The following TRIO variants were observed in gnomAD, a reference collection of about 807,000 sequenced individuals.
The protein encoded by TRIO is triple functional domain protein.
Under a neutral mutation model 351.9 loss-of-function variants are expected in TRIO, and 58 were observed. The ratio of observed to expected loss-of-function variants is 0.16; its 90% confidence interval spans 0.13 to 0.21. The LOEUF is 0.21. Among genes scored for constraint, TRIO ranks in the 10% least tolerant of loss-of-function variants. TRIO has a pLI of 1.00. For synonymous variants in TRIO, 1,758 were observed against 1,595.7 expected, an observed-to-expected ratio of 1.10 and a Z score of -2.42; for missense variants, 3,201 against 4,027.8, an observed-to-expected ratio of 0.79 and a Z score of 5.56.
intron 1 of TRIO, among the ~76,000 whole-genome samples, chr5:14,208,098 A>G (rs1204240388): frequency 6.6e-6 from 1 of 152,242 alleles, no homozygotes; most frequent in Non-Finnish European, 1.5e-5. Flanking sequence ...AACAGTTTGC[A>G]GTTTCTTAAA....
At chr5:14,240,946 C>T (rs1293152594) in intron 1 of TRIO, among the ~76,000 whole-genome samples, 2 of 151,838 alleles carry the variant, frequency 1.3e-5, no homozygotes, top group Admixed American at 6.6e-5. Flanking sequence ...TCTTTTGAAT[C>T]GTGAAATAAG....
chr5:14,256,769 T>G (rs1316531670), intron 1 of TRIO, among the ~76,000 whole-genome samples: 1 of 152,142 alleles, frequency 6.6e-6, no homozygotes, highest in African/African-American at 2.4e-5. Flanking sequence ...TGTTTGGAGG[T>G]TTTGAAGGTG....
At chr5:14,282,588 G>T (rs1231714158) in intron 3 of TRIO, among the ~76,000 whole-genome samples, 2 of 151,028 alleles carry the variant, frequency 1.3e-5, no homozygotes, top group Admixed American at 1.3e-4. Flanking sequence ...TTTTTTTTGT[G>T]GGAAATTGTG....
intron 10 of TRIO, among the ~76,000 whole-genome samples, chr5:14,336,291 C>G (rs1741410082): frequency 1.3e-5 from 2 of 152,130 alleles, no homozygotes; most frequent in Non-Finnish European, 2.9e-5. Flanking sequence ...GCAGATAGTC[C>G]ATCACTACCT....
chr5:14,247,786 G>T (rs1227124374), intron 1 of TRIO, among the ~76,000 whole-genome samples: 2 of 152,168 alleles, frequency 1.3e-5, no homozygotes, highest in East Asian at 3.8e-4. Flanking sequence ...TAGACCACTA[G>T]GCAGGGCACG....
intron 11 of TRIO, among the ~76,000 whole-genome samples, chr5:14,354,242 C>T (rs1210826226): frequency 6.6e-6 from 1 of 152,260 alleles, no homozygotes; most frequent in Non-Finnish European, 1.5e-5. Context: ...TGTGGATTCT[C>T]TTCTGCTGTC....
chr5:14,401,416 A>G (rs1748056839), intron 31 of TRIO, among the ~76,000 whole-genome samples: 2 of 152,216 alleles, frequency 1.3e-5, no homozygotes, highest in South Asian at 4.1e-4. Context: ...CTGATTGCGC[A>G]CTTGACCTGT....
intron 33 of TRIO, 112 bp downstream of exon 33, chr5:14,406,784 G>A: frequency 9.3e-7 from 1 of 1,079,254 alleles, no homozygotes. Context: ...TCAAGCAGTT[G>A]ATACGTGCCA....
In TRIO at chr5:14,406,085, C is replaced by T. The variant is rs375728129; in HGVS notation, c.4859+95C>T. On this transcript the variant is annotated intron_variant, in intron 32 of 56. Transcript: ENST00000344204. ...TGCTTCAAAAATCCTTTCTCTCAAA[C>T]ATTTTGAGGAATACATTTTTTAAAC... The T allele has an allele frequency of 8.0e-6, 12 of 1,492,678 alleles. No homozygotes were observed. The Admixed American group carries it at 9.3e-5, about 12-fold the overall frequency. 92.5% of individuals were successfully genotyped at this position (1,492,678 alleles called of 1,614,324 possible).
chr5:14,454,315 G>A (rs369574595), intron 34 of TRIO, among the ~76,000 whole-genome samples: 6 of 152,116 alleles, frequency 3.9e-5, no homozygotes, highest in Non-Finnish European at 5.9e-5. Context: ...CAGTGTTCAC[G>A]TACACTTAGT....
intron 11 of TRIO, among the ~76,000 whole-genome samples, chr5:14,350,215 G>A (rs962264872): frequency 2.0e-5 from 3 of 152,104 alleles, no homozygotes; most frequent in Non-Finnish European, 2.9e-5. Flanking sequence ...ACATGGGCAC[G>A]ATCTGCAGGT....
At chr5:14,221,104 A>G (rs1792588765) in intron 1 of TRIO, among the ~76,000 whole-genome samples, 1 of 152,236 alleles carries the variant, frequency 6.6e-6, no homozygotes, top group Admixed American at 6.5e-5. Context: ...CTTAAGAATT[A>G]TGCTGAATCT....
chr5:14,404,514 A>ACT lies in TRIO; in HGVS notation c.4717-1331_4717-1330dup, dbSNP rs1748536951. On this transcript the variant is annotated intron_variant, in intron 31 of 56. Transcript: ENST00000344204. ...AACAGTTTTCCTCAGTTGTTTCCAA[A>ACT]CTCTGCCAGTTGTTCTTTTGCAGGT... 2.0e-5 allele frequency among the ~76,000 whole-genome samples: 3 copies of ACT among 152,220 alleles called. No individual in the cohort carries two copies. The South Asian group carries it at 6.2e-4, about 32-fold the overall frequency.
Position 14,465,725 on chromosome 5 carries a change from C to A in TRIO, c.5763+85C>A, listed in dbSNP as rs1191596589. The A allele has an allele frequency of 2.8e-6, 4 of 1,437,066 alleles. No homozygotes were observed. The African/African-American group carries it at 4.2e-5, about 15-fold the overall frequency. 89.0% of individuals were successfully genotyped at this position (1,437,066 alleles called of 1,614,324 possible). On this transcript the variant is annotated intron_variant, in intron 37 of 56. Coordinates refer to ENST00000344204, the MANE Select transcript of TRIO (RefSeq NM_007118.4). ...TGGATTTGCCCTTGTCTTTGTATTG[C>A]TCTGGGCTGCAGAATGTGGCTGTGG...
chr5:14,233,964 T>A (rs535305152), intron 1 of TRIO, among the ~76,000 whole-genome samples: 12 of 152,036 alleles, frequency 7.9e-5, no homozygotes, highest in Admixed American at 6.6e-4. Flanking sequence ...CTAATTAAAA[T>A]TTTTGTATGT....
chr5:14,439,869 C>T (rs566301945), intron 34 of TRIO, among the ~76,000 whole-genome samples: 1 of 152,294 alleles, frequency 6.6e-6, no homozygotes. Context: ...GCGCCTGAGA[C>T]AGTTTTCTCT....
intron 11 of TRIO, among the ~76,000 whole-genome samples, chr5:14,350,042 C>A (rs1742911240): frequency 6.6e-6 from 1 of 152,174 alleles, no homozygotes; most frequent in South Asian, 2.1e-4. Context: ...TATGTTGTTG[C>A]AAAGGACACG....
chr5:14,335,182 C>G lies in TRIO; in HGVS notation c.1855-1354C>G, dbSNP rs140018180. 2.6e-3 allele frequency among the ~76,000 whole-genome samples: 403 copies of G among 152,292 alleles called. 2 individuals are homozygous for G. Among genetic ancestry groups the G allele is most frequent in the African/African-American group, 9.5e-3 (395 of 41,546 alleles). On this transcript the variant is annotated intron_variant, in intron 10 of 56. Transcript: ENST00000344204. ...AACTCCCTTTTCTCAAATAGAGAAACCTGGCTCCCATTATCCCTCAGGTAT... is the reference window on the plus strand; with the variant it reads ...AACTCCCTTTTCTCAAATAGAGAAAGCTGGCTCCCATTATCCCTCAGGTAT...
chr5:14,436,777 A>G (rs1751622919), intron 34 of TRIO, among the ~76,000 whole-genome samples: 1 of 152,192 alleles, frequency 6.6e-6, no homozygotes, highest in African/African-American at 2.4e-5. Context: ...CTTTGACTCC[A>G]TGTCTCACAT....
Sources: gnomAD v4.1 joint callset for allele counts (sites outside exome capture counted in the v4.1 genomes callset) on GRCh38, gnomAD v4.1.1 for gene constraint, MANE v1.5 for transcripts, NCBI Gene and HGNC (gene_info 2026-07-23, HGNC 2026-07-21) for gene names.